The following CDH9 variants were observed in gnomAD, a reference collection of about 807,000 sequenced individuals.
CDH9 encodes the protein cadherin 9, also known as cadherin-9.
Under a neutral mutation model 70.9 loss-of-function variants are expected in CDH9, and 28 were observed. The ratio of observed to expected loss-of-function variants is 0.40; its 90% CI spans 0.29 to 0.54. The LOEUF is 0.54. Among genes scored for constraint, CDH9 ranks in the 20% least tolerant of loss-of-function variants. The pLI, the probability that CDH9 is intolerant of heterozygous loss-of-function variation, is 0.59. For synonymous variants in CDH9, 409 were observed against 343.1 expected, an observed-to-expected ratio of 1.19 and a Z score of -2.12; for missense variants, 874 against 984.4, an observed-to-expected ratio of 0.89 and a Z score of 1.50.
At chr5:27,005,564 G>T (rs184760827) in intron 1 of CDH9, among the ~76,000 whole-genome samples, 7 of 152,096 alleles carry the variant, frequency 4.6e-5, no homozygotes, top group African/African-American at 1.7e-4. Flanking sequence ...TGCACTGATG[G>T]TGGGGGTGTA....
At chr5:26,928,702 A>G (rs10473819) in intron 2 of CDH9, among the ~76,000 whole-genome samples, 14,538 of 152,004 alleles carry the variant, frequency 0.096, 867 homozygotes, top group East Asian at 0.17. Context: ...TCCGCAGAGA[A>G]CTCATTTTCA....
At chr5:26,999,233 G>A (rs766794332) in intron 1 of CDH9, among the ~76,000 whole-genome samples, 39 of 151,264 alleles carry the variant, frequency 2.6e-4, no homozygotes, top group East Asian at 3.9e-4. Flanking sequence ...GCGAGACTCC[G>A]TCTAAAAAAA....
intron 1 of CDH9, among the ~76,000 whole-genome samples, chr5:27,015,264 A>C (rs1005234196): frequency 3.3e-5 from 5 of 151,788 alleles, no homozygotes; most frequent in African/African-American, 1.2e-4. Context: ...GGAGGGTATT[A>C]TTTTATCTCT....
At chr5:26,968,627 G>A (rs1452543087) in intron 2 of CDH9, among the ~76,000 whole-genome samples, 4 of 151,886 alleles carry the variant, frequency 2.6e-5, no homozygotes, top group African/African-American at 9.7e-5. Flanking sequence ...GACTGTCCAT[G>A]GCATTTAAAA....
intron 2 of CDH9, among the ~76,000 whole-genome samples, chr5:26,921,228 A>G (rs557543161): frequency 6.6e-6 from 1 of 152,208 alleles, no homozygotes; most frequent in African/African-American, 2.4e-5. Flanking sequence ...GGAAGTACCT[A>G]TGCTGAAAGG....
chr5:26,969,167 C>A (rs975432694), intron 2 of CDH9, among the ~76,000 whole-genome samples: 30 of 152,120 alleles, frequency 2.0e-4, no homozygotes, highest in African/African-American at 6.5e-4. Flanking sequence ...TTGTTATTAT[C>A]ACTAGCTATT....
At chr5:26,887,032 G>A (rs34853805) in intron 9 of CDH9, among the ~76,000 whole-genome samples, 49,730 of 151,952 alleles carry the variant, frequency 0.33, 8,636 homozygotes, top group Middle Eastern at 0.52. Flanking sequence ...TTGTTTTACT[G>A]TATACCTTTT....
At chr5:27,005,323 C>T (rs562054279) in intron 1 of CDH9, among the ~76,000 whole-genome samples, 2 of 151,948 alleles carry the variant, frequency 1.3e-5, no homozygotes, top group African/African-American at 4.8e-5. Flanking sequence ...GATTTCATGA[C>T]AAGGGCACCA....
At chr5:26,948,748 A>G (rs1263436015) in intron 2 of CDH9, among the ~76,000 whole-genome samples, 1 of 152,226 alleles carries the variant, frequency 6.6e-6, no homozygotes, top group Non-Finnish European at 1.5e-5. Context: ...GAAGTGTGTT[A>G]ATCAATAGGC....
intron 1 of CDH9, among the ~76,000 whole-genome samples, chr5:27,026,551 TG>T (rs1202357272): frequency 6.6e-6 from 1 of 152,032 alleles, no homozygotes; most frequent in African/African-American, 2.4e-5. Context: ...TTATTCTTTT[TG>T]TTATTTGTAT....
At chr5:26,906,236 T>C (rs985392663) in intron 4 of CDH9, 110 bp from the exon 5 acceptor site, 6 of 827,546 alleles carry the variant, frequency 7.3e-6, no homozygotes, top group Non-Finnish European at 1.1e-5. Context: ...AAAATGTCAG[T>C]GTATTTAAAT....
At chr5:26,998,145 T>A (rs529203453) in intron 1 of CDH9, among the ~76,000 whole-genome samples, 11 of 152,204 alleles carry the variant, frequency 7.2e-5, no homozygotes, top group African/African-American at 2.7e-4. Flanking sequence ...TGTTAATACT[T>A]GCCTTTGAGC....
chr5:26,915,591 C>G (rs770074506), intron 3 of CDH9, 39 bp downstream of exon 3: 2 of 1,203,832 alleles, frequency 1.7e-6, no homozygotes. Flanking sequence ...AGCAAACAAA[C>G]AAATAAAAAG....
chr5:26,962,799 G>A (rs1464598705), intron 2 of CDH9, among the ~76,000 whole-genome samples: 1 of 151,858 alleles, frequency 6.6e-6, no homozygotes, highest in African/African-American at 2.4e-5. Context: ...GTTCTCTTCT[G>A]TTGTGCTGCC....
At chr5:26,995,706 T>A (rs1379598890) in intron 1 of CDH9, among the ~76,000 whole-genome samples, 1 of 152,096 alleles carries the variant, frequency 6.6e-6, no homozygotes, top group Non-Finnish European at 1.5e-5. Context: ...TTATTAAAAA[T>A]TCTTCATATT....
At chr5:27,005,080 T>A (rs922830176) in intron 1 of CDH9, among the ~76,000 whole-genome samples, 2 of 152,068 alleles carry the variant, frequency 1.3e-5, no homozygotes, top group African/African-American at 2.4e-5. Flanking sequence ...TGCTATTAAG[T>A]GGGTAATAGG....
At chr5:26,975,339 C>G (rs1231212702) in intron 2 of CDH9, among the ~76,000 whole-genome samples, 4 of 152,146 alleles carry the variant, frequency 2.6e-5, no homozygotes, top group Non-Finnish European at 4.4e-5. Flanking sequence ...TCTTAACATG[C>G]TGGAGCACCT....
intron 11 of CDH9, among the ~76,000 whole-genome samples, chr5:26,884,070 T>C (rs891597308): frequency 1.3e-5 from 2 of 152,018 alleles, no homozygotes; most frequent in Non-Finnish European, 2.9e-5. Context: ...CAATTTTAAC[T>C]ACAATAATAA....
intron 5 of CDH9, 101 bp from the exon 6 acceptor site, chr5:26,903,925 G>T (rs1349348645): frequency 4.8e-6 from 3 of 628,380 alleles, no homozygotes; most frequent in Non-Finnish European, 8.1e-6. Context: ...TAAATAGGGA[G>T]AGTTTTTATC....
Sources: gnomAD v4.1 joint callset for allele counts (sites outside exome capture counted in the v4.1 genomes callset) on GRCh38, gnomAD v4.1.1 for gene constraint, MANE v1.5 for transcripts, NCBI Gene and HGNC (gene_info 2026-07-23, HGNC 2026-07-21) for gene names.